Variants in KSR1 observed in about 807,000 individuals in gnomAD.
KSR1 encodes the protein kinase suppressor of ras 1.
In KSR1, 35 loss-of-function variants were observed where a neutral mutation model predicts 92.9. The observed-to-expected ratio is 0.38, with a 90% CI of 0.29 to 0.50. The LOEUF (loss-of-function observed/expected upper bound fraction) is 0.50. KSR1 is among the 20% of genes least tolerant of loss of function. The pLI is 0.94. For synonymous variants in KSR1, 467 were observed against 472.6 expected (o/e 0.99, Z 0.15); for missense variants, 972 against 1,158.5 (o/e 0.84, Z 2.34).
intron 11 of KSR1, among the ~76,000 whole-genome samples, chr17:27,602,929 G>A (rs112435745): frequency 6.6e-6 from 1 of 152,264 alleles, no homozygotes; most frequent in African/African-American, 2.4e-5. Context: ...GCAGAAGAAA[G>A]CCCTAGAAGA....
intron 1 of KSR1, among the ~76,000 whole-genome samples, chr17:27,502,825 G>A (rs2069239648): frequency 6.6e-6 from 1 of 152,184 alleles, no homozygotes; most frequent in South Asian, 2.1e-4. Flanking sequence ...GATGACCTTG[G>A]GCCAAGCGAG....
chr17:27,493,621 A>G (rs1039503163), intron 1 of KSR1, among the ~76,000 whole-genome samples: 3 of 152,100 alleles, frequency 2.0e-5, no homozygotes, highest in African/African-American at 7.2e-5. Flanking sequence ...CCTTTTAACA[A>G]TGCTGATTTT....
chr17:27,582,752 C>G lies in KSR1; in HGVS notation c.627C>G (p.Pro209=), dbSNP rs779597662. The G allele has an allele frequency of 1.2e-6, 2 of 1,613,768 alleles. No homozygotes were observed. Among genetic ancestry groups the G allele is most frequent in the African/African-American group, 2.7e-5 (2 of 74,910 alleles). The change falls in exon 4 of 21, where the codon CCC becomes CCG. Residue 209 remains proline (P), a synonymous_variant. Coordinates refer to ENST00000644974, the MANE Select transcript of KSR1 (RefSeq NM_001394583.1). ...TCTCAGCAGCCAGCCTGCCCTGGCC[C>G]CCAGGGAGCTCCCAGCTGGGCAGAG... is the stretch of plus-strand genomic sequence containing the variant. The part of the protein sequence containing the change: ...DTLSAASLPW[P]PGSSQLGRAG...
At chr17:27,531,131 T>C (rs904132056) in intron 1 of KSR1, among the ~76,000 whole-genome samples, 1 of 152,230 alleles carries the variant, frequency 6.6e-6, no homozygotes. Flanking sequence ...CCCCGCTTCA[T>C]TCTCCTCCCT....
At position 27,459,660 on chromosome 17, in the gene KSR1, G is replaced by A. The variant is rs2019341863; in HGVS notation, c.231+2786G>A. ...AGAAGGATCTGACCTGGAGGGCTTG[G>A]CCTGTGCAACTGCATCGGACTTATC... On this transcript the variant is annotated intron_variant, in intron 1 of 20. Transcript: ENST00000644974. The surrounding 1 kb of genome is among the most constrained non-coding windows in gnomAD (Gnocchi z 4.6). 6.6e-6 allele frequency among the ~76,000 whole-genome samples: 1 copy of A among 152,252 alleles called. No individual in the cohort carries two copies. The highest frequency in any genetic ancestry group is 2.4e-5 in the African/African-American group (1 of 41,472).
intron 1 of KSR1, among the ~76,000 whole-genome samples, chr17:27,462,510 C>T (rs1018193715): frequency 6.6e-6 from 1 of 152,174 alleles, no homozygotes; most frequent in African/African-American, 2.4e-5. Context: ...GCTAGCACAT[C>T]CTCAAAGACA....
chr17:27,553,392 T>G (rs1357077720), intron 2 of KSR1, among the ~76,000 whole-genome samples: 7 of 152,128 alleles, frequency 4.6e-5, no homozygotes, highest in African/African-American at 1.7e-4. Flanking sequence ...GTTTTCTGAA[T>G]CAAGAGAGAT....
chr17:27,466,698 G>A (rs2019716498), intron 1 of KSR1, among the ~76,000 whole-genome samples: 3 of 152,244 alleles, frequency 2.0e-5, no homozygotes, highest in Admixed American at 2.0e-4. Context: ...AGGAAATGCT[G>A]GCTCTGAATG....
chr17:27,585,128 G>A (rs1454355338), intron 4 of KSR1, among the ~76,000 whole-genome samples: 1 of 152,154 alleles, frequency 6.6e-6, no homozygotes, highest in South Asian at 2.1e-4. Context: ...ATAGACACAA[G>A]GTTTCATCAC....
At chr17:27,550,475 G>A (rs561457947) in intron 1 of KSR1, 93 bp from the exon 2 acceptor site, 7 of 718,728 alleles carry the variant, frequency 9.7e-6, no homozygotes, top group Non-Finnish European at 1.8e-5. Flanking sequence ...CACATTGCTT[G>A]TGTCTGCCTG....
intron 1 of KSR1, among the ~76,000 whole-genome samples, chr17:27,466,004 G>A (rs1474461857): frequency 6.6e-6 from 1 of 152,226 alleles, no homozygotes; most frequent in Non-Finnish European, 1.5e-5. Flanking sequence ...AGATGCTCCT[G>A]TGAAGAAAGT....
chr17:27,606,227 C>T (rs2073747746), intron 14 of KSR1, among the ~76,000 whole-genome samples: 1 of 152,170 alleles, frequency 6.6e-6, no homozygotes, highest in Non-Finnish European at 1.5e-5. Flanking sequence ...TGCAGCGAGC[C>T]AAGATCATGC....
intron 5 of KSR1, among the ~76,000 whole-genome samples, chr17:27,586,863 C>T (rs1321237427): frequency 6.6e-6 from 1 of 152,132 alleles, no homozygotes; most frequent in African/African-American, 2.4e-5. Flanking sequence ...CCTTTGGCCC[C>T]ATGTGTTTTT....
Position 27,493,109 on chromosome 17 carries a change from A to G in KSR1, c.231+36235A>G, listed in dbSNP as rs2068875498. Among the ~76,000 whole-genome samples, 4 of 152,160 alleles carry G rather than the reference A, an allele frequency of 2.6e-5. No homozygotes were observed. The South Asian group carries it at 8.3e-4, about 32-fold the overall frequency. Reference sequence around the variant, plus strand: ...GCTGATGATGATCATTTATGGAGCAATTTACTATGTGAGGTACATGATAAC... The same window carrying G: ...GCTGATGATGATCATTTATGGAGCAGTTTACTATGTGAGGTACATGATAAC... On this transcript the variant is annotated intron_variant, in intron 1 of 20. Transcript: ENST00000644974.
chr17:27,503,311 G>C (rs1394740829), intron 1 of KSR1, among the ~76,000 whole-genome samples: 1 of 152,196 alleles, frequency 6.6e-6, no homozygotes, highest in African/African-American at 2.4e-5. Context: ...CTCGTGGGTA[G>C]AGGCCAGGGA....
chr17:27,512,947 G>A (rs1254502910), intron 1 of KSR1, among the ~76,000 whole-genome samples: 1 of 152,140 alleles, frequency 6.6e-6, no homozygotes, highest in Non-Finnish European at 1.5e-5. Context: ...GAGGCTCCCT[G>A]ATCATGACCT....
intron 1 of KSR1, among the ~76,000 whole-genome samples, chr17:27,540,516 C>A (rs2070920854): frequency 6.6e-6 from 1 of 152,230 alleles, no homozygotes; most frequent in South Asian, 2.1e-4. Flanking sequence ...TAGTGGGAGG[C>A]TTGGCGGGGA....
At chr17:27,621,902 T>C (rs1304504293) in intron 20 of KSR1, 39 of 1,613,338 alleles carry the variant, frequency 2.4e-5, no homozygotes, top group Non-Finnish European at 3.3e-5. Flanking sequence ...GATGCTGTTC[T>C]TTGCTTTCTT....
At chr17:27,567,077 GTTC>G (rs2072105201) in intron 2 of KSR1, among the ~76,000 whole-genome samples, 1 of 152,164 alleles carries the variant, frequency 6.6e-6, no homozygotes, top group African/African-American at 2.4e-5. Context: ...ATGAAGCTCA[GTTC>G]CTTAGCTACC....
Sources: gnomAD v4.1 joint callset for allele counts (sites outside exome capture counted in the v4.1 genomes callset) on GRCh38, gnomAD v4.1.1 for gene constraint, Gnocchi (gnomAD v3.1) non-coding constraint, MANE v1.5 for transcripts, NCBI Gene and HGNC (gene_info 2026-07-23, HGNC 2026-07-21) for gene names.